CDAN1: variants seen among roughly 807,000 people sequenced by gnomAD.
The protein encoded by CDAN1 is codanin 1.
CDAN1 carries 107 observed loss-of-function variants against 139.8 expected under a neutral mutation model. The ratio of observed to expected loss-of-function variants is 0.77; its 90% CI spans 0.65 to 0.90. CDAN1 has a LOEUF of 0.90. CDAN1 is among the 40% of genes least tolerant of loss of function. The probability of loss-of-function intolerance (pLI) is 0.00; values close to 1 mark genes in which losing one functional copy is unlikely to be tolerated. For missense variants in CDAN1, 1,667 were observed against 1,575.7 expected, an observed-to-expected ratio of 1.06 and a Z score of -0.98; for synonymous variants, 776 against 660.6, an observed-to-expected ratio of 1.17 and a Z score of -2.68.
chr15:42,732,484 C>A, intron 9 of CDAN1, 76 bp from the exon 10 acceptor site: 1 of 1,351,662 alleles, frequency 7.4e-7, no homozygotes, highest in South Asian at 1.2e-5. Context: ...GCAGCCAACC[C>A]CTGGACTTCC....
chr15:42,727,293 C>T (rs971670319), intron 23 of CDAN1: 20 of 268,366 alleles, frequency 7.5e-5, no homozygotes, highest in Admixed American at 5.4e-4. Flanking sequence ...AATACTGGGG[C>T]GACTGCCTCC....
Position 42,736,997 on chromosome 15 carries a change from G to T in CDAN1, c.90+16C>A. 1 of 1,540,252 alleles carries T rather than the reference G, an allele frequency of 6.5e-7. No homozygotes were observed. The highest frequency in any genetic ancestry group is 1.4e-5 in the African/African-American group (1 of 72,476). ...CCGGCTTCGAGTCAGACCTGGGGGC[G>T]TGTCACCGCTGTTACCTCCGAACCC... On this transcript the variant is annotated intron_variant, in intron 1 of 27. Transcript: ENST00000356231.
intron 13 of CDAN1, 25 bp from the exon 14 acceptor site, chr15:42,730,789 G>C: frequency 6.2e-7 from 1 of 1,612,600 alleles, no homozygotes; most frequent in Non-Finnish European, 8.5e-7. Flanking sequence ...GCTCAGTCAG[G>C]GGGCAGGTCC....
chr15:42,729,678 G>A, intron 16 of CDAN1, 56 bp from the exon 17 acceptor site: 1 of 1,606,010 alleles, frequency 6.2e-7, no homozygotes, highest in Non-Finnish European at 8.5e-7. Flanking sequence ...CACCCAGAAA[G>A]CAGGCAGTTG....
chr15:42,728,401 C>G lies in CDAN1; in HGVS notation c.2805-134G>C, dbSNP rs1048198280. ...GGAGGCACCGTTTGCCCTCCCGCCC[C>G]ACCCCAGGTGCCAGAGAAAAGACAA... is the stretch of plus-strand genomic sequence containing the variant. On this transcript the variant is annotated intron_variant, in intron 20 of 27. Coordinates refer to ENST00000356231, the MANE Select transcript of CDAN1 (RefSeq NM_138477.4). 3.0e-6 allele frequency: 3 copies of G among 990,150 alleles called. No individual in the cohort carries two copies. The Admixed American group carries it at 5.8e-5, about 19-fold the overall frequency. The allele number at this position is 990,150 out of a possible 1,614,324, so 61.3% of individuals were successfully genotyped here. A position where few individuals can be genotyped will look rare whatever the true frequency, so the allele number is the denominator to read the frequency against.
chr15:42,732,608 TA>T (rs1204310612), intron 9 of CDAN1, among the ~76,000 whole-genome samples, 200 bp from the exon 10 acceptor site: 2 of 152,158 alleles, frequency 1.3e-5, no homozygotes, highest in East Asian at 3.9e-4. Flanking sequence ...GAGGTGCACT[TA>T]ACCAAACAAG....
intron 20 of CDAN1, 89 bp downstream of exon 20, chr15:42,728,563 G>C: frequency 6.5e-7 from 1 of 1,549,978 alleles, no homozygotes; most frequent in Non-Finnish European, 8.9e-7. Flanking sequence ...ATGAAGAGAA[G>C]AAAGGGAAAA....
chr15:42,736,139 A>C, intron 2 of CDAN1, 61 bp from the exon 3 acceptor site: 1 of 1,584,678 alleles, frequency 6.3e-7, no homozygotes, highest in Non-Finnish European at 8.6e-7. Flanking sequence ...CCCCTCCACC[A>C]CCGCAACAGC....
intron 2 of CDAN1, 96 bp from the exon 3 acceptor site, chr15:42,736,174 C>G: frequency 6.4e-7 from 1 of 1,571,520 alleles, no homozygotes; most frequent in Non-Finnish European, 8.6e-7. Flanking sequence ...AAAAACCCCA[C>G]AAAAACCCTC....
chr15:42,729,331 C>T lies in CDAN1; in HGVS notation c.2439G>A (p.Val813=), dbSNP rs2061577795. 1.9e-6 allele frequency: 3 copies of T among 1,614,188 alleles called. No individual in the cohort carries two copies. Among genetic ancestry groups the T allele is most frequent in the Non-Finnish European group, 2.5e-6 (3 of 1,180,040 alleles). Reference sequence around the variant, plus strand: ...CCCCACTCCGTCCACTACTGCCTGACACCCACGAAGCGAGCAGTTTCCGGA... The same window carrying T: ...CCCCACTCCGTCCACTACTGCCTGATACCCACGAAGCGAGCAGTTTCCGGA... ...GELRKLLASW[V]SGSSGRSGGF... is the part of the protein sequence containing the mutation. Residue 813 remains valine (V), a synonymous_variant, in exon 18 of 28, where the codon GTG becomes GTA. Transcript: ENST00000356231.
Position 42,730,532 on chromosome 15 carries a change from T to C in CDAN1, c.2174+66A>G, listed in dbSNP as rs1432695727. 3.2e-6 allele frequency: 5 copies of C among 1,570,838 alleles called. No individual in the cohort carries two copies. The African/African-American group carries it at 4.1e-5, about 13-fold the overall frequency. ...CAGACTGCTCGACCCTCTTTATTAATAGCAGGCTTGACCAATGTCCCGAGT... is the reference window on the plus strand; with the variant it reads ...CAGACTGCTCGACCCTCTTTATTAACAGCAGGCTTGACCAATGTCCCGAGT... On this transcript the variant is annotated intron_variant, in intron 14 of 27. Coordinates refer to ENST00000356231, the MANE Select transcript of CDAN1 (RefSeq NM_138477.4).
At chr15:42,728,533 G>A (rs1355321274) in intron 20 of CDAN1, 119 bp downstream of exon 20, 4 of 1,416,122 alleles carry the variant, frequency 2.8e-6, no homozygotes, top group East Asian at 2.3e-5. Context: ...AATGGGCGCA[G>A]GGAGAAGAAA....
chr15:42,725,093 G>T, intron 27 of CDAN1, 51 bp downstream of exon 27: 1 of 1,440,528 alleles, frequency 6.9e-7, no homozygotes, highest in East Asian at 2.3e-5. Context: ...AGGACAGATG[G>T]GATATGTAAC....
chr15:42,732,787 C>A (rs1221029351), intron 9 of CDAN1, among the ~76,000 whole-genome samples: 1 of 148,334 alleles, frequency 6.7e-6, no homozygotes, highest in South Asian at 2.1e-4. Flanking sequence ...AAGATGGAGG[C>A]TGGATGTGTC....
chr15:42,735,919 C>T lies in CDAN1; in HGVS notation c.729G>A (p.Gly243=), dbSNP rs1055273120. The T allele has an allele frequency of 1.2e-6, 2 of 1,614,036 alleles. No homozygotes were observed. Among genetic ancestry groups the T allele is most frequent in the African/African-American group, 1.3e-5 (1 of 74,912 alleles). Residue 243 remains glycine, a synonymous_variant, in exon 3 of 28, where the codon GGG becomes GGA. Coordinates refer to ENST00000356231, the MANE Select transcript of CDAN1 (RefSeq NM_138477.4). ...TSPWGLGLPP[G]CRSLQEEREM... is the part of the protein sequence containing the mutation. ...CTCGCTCCTCTTGCAGACTTCTGCA[C>T]CCTGGGGGAAGGCCAAGGCCCCAAG...
At position 42,736,715 on chromosome 15, in the gene CDAN1, G is replaced by C. The variant is rs80338694; in HGVS notation, c.156C>G (p.Phe52Leu). ...LRALRKEFVP[F>L]LLNFLREQSS... is the part of the protein sequence containing the mutation. ...TCTGCTCCCTCAGGAAGTTCAACAG[G>C]AACGGTACGAATTCTTTCCGCAGGG... The change falls in exon 2 of 28, where the codon TTC becomes TTG. Residue 52 changes from phenylalanine to leucine, a missense_variant. Coordinates refer to ENST00000356231, the MANE Select transcript of CDAN1 (RefSeq NM_138477.4). The C allele has an allele frequency of 2.9e-4, 458 of 1,560,680 alleles. No homozygotes were observed. Among genetic ancestry groups the C allele is most frequent in the Non-Finnish European group, 3.8e-4 (444 of 1,157,148 alleles).
In CDAN1 at chr15:42,732,509, G is replaced by A. The variant is rs934774063; in HGVS notation, c.1458-101C>T. ...CCTGGACTTCCCAGCCGTTTACCAG[G>A]GACTTGAGCAGACCTCAGCCAGAGC... On this transcript the variant is annotated intron_variant, in intron 9 of 27. Coordinates refer to ENST00000356231, the MANE Select transcript of CDAN1 (RefSeq NM_138477.4). 3.6e-6 allele frequency: 4 copies of A among 1,125,238 alleles called. No individual in the cohort carries two copies. The African/African-American group carries it at 6.1e-5, about 17-fold the overall frequency. 69.7% of individuals were successfully genotyped at this position (1,125,238 alleles called of 1,614,324 possible). A position where few individuals can be genotyped will look rare whatever the true frequency, so the allele number is the denominator to read the frequency against.
intron 1 of CDAN1, 26 bp from the exon 2 acceptor site, chr15:42,736,806 G>T (rs770819171): frequency 5.3e-6 from 8 of 1,503,232 alleles, no homozygotes. Flanking sequence ...AGGTGGAGGG[G>T]CGAGAGGGTC....
Position 42,727,673 on chromosome 15 carries a change from C to A in CDAN1, c.3044G>T (p.Arg1015Leu), listed in dbSNP as rs147554753. ...AARGERRGCSRACEHHAPLPS... is the reference protein window; with the variant it reads ...AARGERRGCSLACEHHAPLPS... The stretch of plus-strand genomic sequence containing the variant: ...GAGGGGAGCATGGTGCTCACAGGCG[C>A]GGGAGCAGCCCCTCCGCTCCCCCCG... The change falls in exon 23 of 28, where the codon CGC becomes CTC. Residue 1015 changes from arginine (R) to leucine (L), a missense_variant. This residue lies in a region of CDAN1 where 936 missense variants were observed against 844.1 expected (regional missense o/e 1.11). Transcript: ENST00000356231. 1 of 1,589,166 alleles carries A rather than the reference C, an allele frequency of 6.3e-7. No homozygotes were observed. The highest frequency in any genetic ancestry group is 8.6e-7 in the Non-Finnish European group (1 of 1,164,046).
Sources: gnomAD v4.1 joint callset for allele counts (sites outside exome capture counted in the v4.1 genomes callset) on GRCh38, gnomAD v4.1.1 for gene constraint, gnomAD v4.1.1 regional missense constraint, MANE v1.5 for transcripts, NCBI Gene and HGNC (gene_info 2026-07-23, HGNC 2026-07-21) for gene names.